Variants in PRKAR1A observed in about 807,000 individuals in gnomAD.
PRKAR1A encodes the protein cAMP-dependent protein kinase type I-alpha regulatory subunit.
A neutral mutation model predicts 52.0 loss-of-function variants in PRKAR1A; 3 were observed. That is an observed-to-expected ratio of 0.06 (90% confidence interval 0.03 to 0.15). The LOEUF is 0.15. Among genes scored for constraint, PRKAR1A ranks in the 10% least tolerant of loss-of-function variants. The probability of loss-of-function intolerance (pLI) is 1.00; values close to 1 mark genes in which losing one functional copy is unlikely to be tolerated. For missense variants in PRKAR1A, 240 were observed against 477.4 expected, an observed-to-expected ratio of 0.50 and a Z score of 4.63; for synonymous variants, 188 against 168.4, an observed-to-expected ratio of 1.12 and a Z score of -0.90.
chr17:68,495,739 G>T, the PRKAR1A span, among the ~76,000 whole-genome samples: 1 of 151,782 alleles, frequency 6.6e-6, no homozygotes. Context: ...AAAACTTAGT[G>T]CCTTAAAACC....
At chr17:68,540,560 A>G (rs1338547278) in intron 11 of PRKAR1A, 3 of 529,706 alleles carry the variant, frequency 5.7e-6, no homozygotes, top group Non-Finnish European at 7.3e-6. Flanking sequence ...GTTTCCCCTC[A>G]CTTGGTGAAG....
chr17:68,436,382 C>T, the PRKAR1A span: 1 of 1,613,680 alleles, frequency 6.2e-7, no homozygotes, highest in South Asian at 1.1e-5. Flanking sequence ...GTCAACTTAC[C>T]AGGGAGTTTC....
intron 10 of PRKAR1A, 111 bp downstream of exon 10, chr17:68,530,112 C>T: frequency 1.3e-6 from 2 of 1,483,078 alleles, no homozygotes; most frequent in South Asian, 1.1e-5. Flanking sequence ...TTTCTAACTG[C>T]AGTCTTTTTT....
downstream of PRKAR1A, chr17:68,537,422 C>G (rs577021566): frequency 7.4e-6 from 12 of 1,611,284 alleles, no homozygotes; most frequent in Non-Finnish European, 9.3e-6. The surrounding 1 kb of genome is among the most constrained non-coding windows in gnomAD (Gnocchi z 4.2). Context: ...GGTCGGCACT[C>G]GAGTCGACTG....
the PRKAR1A span, among the ~76,000 whole-genome samples, chr17:68,468,431 G>C: frequency 6.6e-6 from 1 of 152,170 alleles, no homozygotes; most frequent in Non-Finnish European, 1.5e-5. Flanking sequence ...GACGTTTTGA[G>C]TATTCCTTTA....
downstream of PRKAR1A, chr17:68,535,170 G>C (rs760475420): frequency 2.4e-6 from 1 of 424,646 alleles, no homozygotes; most frequent in Non-Finnish European, 4.7e-6. Flanking sequence ...AAATGAACAT[G>C]CTGGAAGAAC....
the PRKAR1A span, chr17:68,424,554 A>AG: frequency 1.9e-6 from 1 of 527,450 alleles, no homozygotes; most frequent in Non-Finnish European, 3.9e-6. Context: ...CTCTGGCTCT[A>AG]GGAGCTGATG....
intron 11 of PRKAR1A, among the ~76,000 whole-genome samples, chr17:68,550,647 C>T (rs2086794615): frequency 6.6e-6 from 1 of 152,192 alleles, no homozygotes; most frequent in African/African-American, 2.4e-5. Flanking sequence ...TACCAAAGTA[C>T]TGGGATTACA....
At chr17:68,431,034 G>A in the PRKAR1A span, among the ~76,000 whole-genome samples, 1 of 152,174 alleles carries the variant, frequency 6.6e-6, no homozygotes, top group African/African-American at 2.4e-5. Flanking sequence ...CACTGCTAGG[G>A]TTCTGTGATC....
At chr17:68,527,619 C>G (rs537499827) in intron 7 of PRKAR1A, 2 of 508,466 alleles carry the variant, frequency 3.9e-6, no homozygotes, top group African/African-American at 3.9e-5. Flanking sequence ...AGGAATTGGG[C>G]ATAATATTGG....
At chr17:68,507,988 T>G (rs2085219032), upstream of PRKAR1A, among the ~76,000 whole-genome samples, 1 of 152,156 alleles carries the variant, frequency 6.6e-6, no homozygotes. Context: ...GTACATGCGA[T>G]TATCATTTAA....
At chr17:68,420,223 T>C in the PRKAR1A span, 1 of 1,614,152 alleles carries the variant, frequency 6.2e-7, no homozygotes, top group Non-Finnish European at 8.5e-7. Flanking sequence ...GCACGGGGCC[T>C]GAGCTGCAGC....
intron 1 of PRKAR1A, chr17:68,512,782 C>A (rs1485935351): frequency 1.3e-5 from 2 of 152,054 alleles, no homozygotes; most frequent in Non-Finnish European, 2.9e-5. Context: ...GGCTCCCCAG[C>A]CGCCCCGCTC....
At position 68,526,054 on chromosome 17, in the gene PRKAR1A, A is replaced by G. The variant is rs74745979; in HGVS notation, c.708+142A>G. On this transcript the variant is annotated intron_variant, in intron 7 of 10. Transcript: ENST00000589228. ...TTTAATAAGCGAATATTTTTCTTTTAATGAGCAAATACTTTGCATTAAGCC... is the reference window on the plus strand; with the variant it reads ...TTTAATAAGCGAATATTTTTCTTTTGATGAGCAAATACTTTGCATTAAGCC... 166,157 of 1,142,728 alleles carry G rather than the reference A, an allele frequency of 0.15. 12,528 individuals carry two copies. The highest frequency in any genetic ancestry group is 0.19 in the South Asian group (13,913 of 72,604). 70.8% of individuals were successfully genotyped at this position (1,142,728 alleles called of 1,614,324 possible). A position where few individuals can be genotyped will look rare whatever the true frequency, so the allele number is the denominator to read the frequency against.
the PRKAR1A span, chr17:68,427,275 AGGTG>A: frequency 1.9e-6 from 3 of 1,584,166 alleles, no homozygotes; most frequent in Admixed American, 3.4e-5. Context: ...AATCAAGAGG[AGGTG>A]AAAGAAAAAA....
At chr17:68,455,426 T>C in the PRKAR1A span, among the ~76,000 whole-genome samples, 2 of 151,064 alleles carry the variant, frequency 1.3e-5, no homozygotes, top group Admixed American at 1.3e-4. Context: ...AGTATGAGCG[T>C]AGGGGACTGG....
the PRKAR1A span, among the ~76,000 whole-genome samples, chr17:68,436,945 G>A: frequency 2.0e-5 from 3 of 151,642 alleles, no homozygotes; most frequent in African/African-American, 7.3e-5. Flanking sequence ...AGTGAGTGGA[G>A]ATCGTGCCAC....
the PRKAR1A span, among the ~76,000 whole-genome samples, chr17:68,447,935 G>A: frequency 1.3e-5 from 2 of 149,736 alleles, no homozygotes; most frequent in African/African-American, 4.9e-5. Flanking sequence ...AGAGGTTGTG[G>A]TGAGCTGAGA....
the PRKAR1A span, among the ~76,000 whole-genome samples, chr17:68,476,303 A>G: frequency 6.6e-6 from 1 of 152,124 alleles, no homozygotes; most frequent in African/African-American, 2.4e-5. Context: ...GTCATATTCT[A>G]TTTGCCTTTA....
Sources: gnomAD v4.1 joint callset for allele counts (sites outside exome capture counted in the v4.1 genomes callset) on GRCh38, gnomAD v4.1.1 for gene constraint, Gnocchi (gnomAD v3.1) non-coding constraint, MANE v1.5 for transcripts, NCBI Gene and HGNC (gene_info 2026-07-23, HGNC 2026-07-21) for gene names.